The following NT5E variants were observed in gnomAD, a reference collection of about 807,000 sequenced individuals.
NT5E encodes 5'-nucleotidase ecto.
NT5E carries 53 observed loss-of-function variants against 55.1 expected under a neutral mutation model. That is an observed-to-expected ratio of 0.96 (90% CI 0.77 to 1.21). The LOEUF is 1.21. Ranked by LOEUF, NT5E falls within the 50% of genes most tolerant of loss-of-function variation. The pLI is 0.00. For missense variants in NT5E, 683 were observed against 724.3 expected (o/e 0.94, Z 0.65); for synonymous variants, 270 against 278.4 (o/e 0.97, Z 0.30).
intron 7 of NT5E, among the ~76,000 whole-genome samples, chr6:85,491,766 G>A (rs185876872): frequency 6.6e-6 from 1 of 152,166 alleles, no homozygotes; most frequent in Non-Finnish European, 1.5e-5. Context: ...TCCAGAGCTG[G>A]TTTTCCTTCC....
chr6:85,466,051 G>A (rs1027387767), intron 1 of NT5E, among the ~76,000 whole-genome samples: 1 of 152,186 alleles, frequency 6.6e-6, no homozygotes, highest in African/African-American at 2.4e-5. Flanking sequence ...GTAGGGTAGG[G>A]GGCCCAAGGA....
At position 85,493,923 on chromosome 6, in the gene NT5E, T is replaced by C; in HGVS notation, c.1644T>C (p.Phe548=). The C allele has an allele frequency of 6.2e-7, 1 of 1,614,130 alleles. No homozygotes were observed. Among genetic ancestry groups the C allele is most frequent in the Non-Finnish European group, 8.5e-7 (1 of 1,179,984 alleles). Residue 548 remains phenylalanine (F), a synonymous_variant, in exon 9 of 9, where the codon TTT becomes TTC. Transcript: ENST00000257770. ...CAGCAGTTGAAGGTCGGATCAAGTT[T>C]TCCACAGGAAGTCACTGCCATGGAA... ...IYPAVEGRIK[F]STGSHCHGSF...
Position 85,475,915 on chromosome 6 carries a change from T to C in NT5E, c.751+4490T>C, listed in dbSNP as rs150681700. Reference sequence around the variant, plus strand: ...GAGCCTGAAAGCTTACTTTTCAGGATTTGGGGAAATAAAAAAAAATTTGGT... The same window carrying C: ...GAGCCTGAAAGCTTACTTTTCAGGACTTGGGGAAATAAAAAAAAATTTGGT... On this transcript the variant is annotated intron_variant, in intron 3 of 8. Coordinates refer to ENST00000257770, the MANE Select transcript of NT5E (RefSeq NM_002526.4). 1.4e-3 allele frequency among the ~76,000 whole-genome samples: 208 copies of C among 152,214 alleles called. 1 individual carries two copies. The highest frequency in any genetic ancestry group is 4.9e-3 in the African/African-American group (203 of 41,548).
At position 85,487,438 on chromosome 6, in the gene NT5E, A is replaced by C; in HGVS notation, c.1053A>C (p.Gln351His). 1 of 1,614,166 alleles carries C rather than the reference A, an allele frequency of 6.2e-7. No homozygotes were observed. The highest frequency in any genetic ancestry group is 1.3e-5 in the African/African-American group (1 of 75,060). ...TTGTCTATCTGGATGGCTCCTCTCA[A>C]TCATGCCGCTTTAGAGAATGCAACA... is the stretch of plus-strand genomic sequence containing the variant. Reference protein sequence around the residue: ...KTIVYLDGSSQSCRFRECNMG... With the variant: ...KTIVYLDGSSHSCRFRECNMG... Residue 351 changes from glutamine to histidine, a missense_variant, in exon 5 of 9, where the codon CAA becomes CAC. Coordinates refer to ENST00000257770, the MANE Select transcript of NT5E (RefSeq NM_002526.4).
chr6:85,488,049 A>G (rs138665400), intron 5 of NT5E, among the ~76,000 whole-genome samples: 26 of 152,240 alleles, frequency 1.7e-4, no homozygotes, highest in African/African-American at 6.3e-4. Context: ...TGTTCACTTG[A>G]CTCCAGAGAA....
rs571934163 is a variant in NT5E at position 85,491,942 on chromosome 6, T to A, written c.1361-35T>A. Reference sequence around the variant, plus strand: ...TCCTTAGGAAACAGAAATCTCCCTTTGGATCTGGTGAAAACAGATTCATTT... The same window carrying A: ...TCCTTAGGAAACAGAAATCTCCCTTAGGATCTGGTGAAAACAGATTCATTT... On this transcript the variant is annotated intron_variant, in intron 7 of 8. Transcript: ENST00000257770. The A allele has an allele frequency of 1.3e-4, 200 of 1,596,534 alleles. 2 individuals carry two copies. The South Asian group carries it at 2.2e-3, about 17-fold the overall frequency.
At chr6:85,483,324 C>T (rs533015419) in intron 3 of NT5E, among the ~76,000 whole-genome samples, 4 of 152,350 alleles carry the variant, frequency 2.6e-5, no homozygotes, top group South Asian at 2.1e-4. Flanking sequence ...ATCAGAGGAA[C>T]TGACAGAGGC....
rs78431868 is a variant in NT5E at position 85,490,429 on chromosome 6, A to T, written c.1211-79A>T. On this transcript the variant is annotated intron_variant, in intron 6 of 8. Coordinates refer to ENST00000257770, the MANE Select transcript of NT5E (RefSeq NM_002526.4). ...CCATGTCCCCCTCATTTCTTCCCCC[A>T]GCGCTGAGGGAAACTGGTCATGGTG... The T allele has an allele frequency of 2.3e-3, 3,456 of 1,515,574 alleles. 69 individuals are homozygous for T. In the African/African-American group the frequency reaches 0.04, roughly 18 times the overall value. 93.9% of individuals were successfully genotyped at this position (1,515,574 alleles called of 1,614,324 possible).
In NT5E at chr6:85,485,339, T is replaced by A. The variant is rs1287709941; in HGVS notation, c.856T>A (p.Tyr286Asn). ...AGTCCAGGCCTATGCTTTTGGCAAA[T>A]ACCTAGGCTATCTGAAGATCGAGTT... ...PVVQAYAFGK[Y>N]LGYLKIEFDE... Residue 286 changes from tyrosine to asparagine, a missense_variant, in exon 4 of 9, where the codon TAC (tyrosine) becomes AAC (asparagine). Transcript: ENST00000257770. The A allele has an allele frequency of 6.8e-6, 11 of 1,614,126 alleles. No homozygotes were observed. Among genetic ancestry groups the A allele is most frequent in the Non-Finnish European group, 8.5e-6 (10 of 1,179,980 alleles).
Position 85,485,092 on chromosome 6 carries a change from G to A in NT5E, c.752-143G>A, listed in dbSNP as rs534802435. 3.9e-6 allele frequency: 3 copies of A among 767,152 alleles called. No individual in the cohort carries two copies. The East Asian group carries it at 8.0e-5, about 21-fold the overall frequency. The allele number at this position is 767,152 out of a possible 1,614,324, so 47.5% of individuals were successfully genotyped here. ...TGGAAATGGGCAAATGCCCAGATAGGGCTCTGAAAGACTAGCTATGTAGAG... is the reference window on the plus strand; with the variant it reads ...TGGAAATGGGCAAATGCCCAGATAGAGCTCTGAAAGACTAGCTATGTAGAG... On this transcript the variant is annotated intron_variant, in intron 3 of 8. Coordinates refer to ENST00000257770, the MANE Select transcript of NT5E (RefSeq NM_002526.4).
At chr6:85,480,562 G>T (rs778453280) in intron 3 of NT5E, among the ~76,000 whole-genome samples, 8 of 152,156 alleles carry the variant, frequency 5.3e-5, no homozygotes, top group Non-Finnish European at 8.8e-5. Flanking sequence ...AGAGACAGCA[G>T]CCAGGCCTGA....
chr6:85,471,419 T>C lies in NT5E; in HGVS notation c.745T>C (p.Tyr249His), dbSNP rs776833936. The change falls in exon 3 of 9, where the codon TAC (tyrosine) becomes CAC (histidine). Residue 249 changes from tyrosine (Y) to histidine (H), a missense_variant. Tyr to His is a moderately conservative substitution (Grantham distance 83). Transcript: ENST00000257770. ...VVGGHSNTFL[Y>H]TGNPPSKEVP... ...GGGAGGACACTCCAACACATTTCTT[T>C]ACACAGGTAATTGTTTCAAAAGGAT... is the stretch of plus-strand genomic sequence containing the variant. The C allele has an allele frequency of 3.0e-5, 49 of 1,612,310 alleles. No homozygotes were observed. Among genetic ancestry groups the C allele is most frequent in the Non-Finnish European group, 4.2e-5 (49 of 1,178,814 alleles).
chr6:85,481,845 G>C (rs1451113707), intron 3 of NT5E, among the ~76,000 whole-genome samples: 1 of 152,326 alleles, frequency 6.6e-6, no homozygotes, highest in South Asian at 2.1e-4. Context: ...TTATGTTTTA[G>C]AAAGATCACT....
At chr6:85,458,845 T>G (rs981789037) in intron 1 of NT5E, among the ~76,000 whole-genome samples, 1 of 152,192 alleles carries the variant, frequency 6.6e-6, no homozygotes, top group African/African-American at 2.4e-5. Flanking sequence ...ATGCTGTCTA[T>G]TTGGTACTTG....
At chr6:85,469,080 G>T (rs1769252125) in intron 2 of NT5E, among the ~76,000 whole-genome samples, 1 of 152,160 alleles carries the variant, frequency 6.6e-6, no homozygotes, top group Non-Finnish European at 1.5e-5. Context: ...AGTCCTAGTG[G>T]CCTGGGCACC....
intron 3 of NT5E, among the ~76,000 whole-genome samples, chr6:85,482,665 T>C (rs1231910186): frequency 1.3e-5 from 2 of 152,226 alleles, no homozygotes; most frequent in African/African-American, 4.8e-5. Context: ...AATTCTCGGC[T>C]AGATGACTGG....
intron 1 of NT5E, among the ~76,000 whole-genome samples, chr6:85,458,526 A>G (rs1769031587): frequency 6.6e-6 from 1 of 152,248 alleles, no homozygotes; most frequent in African/African-American, 2.4e-5. Flanking sequence ...AGAGAACCAA[A>G]CAAATCAACA....
rs148089577 is a variant in NT5E, at chr6:85,460,375, C to T, written c.340-6685C>T. ...CTGTCAATCAACTAGAGATGGCGCT[C>T]AAGATAAAATTATTTTCCATCCTGT... On this transcript the variant is annotated intron_variant, in intron 1 of 8. Transcript: ENST00000257770. 2.0e-5 allele frequency among the ~76,000 whole-genome samples: 3 copies of T among 152,252 alleles called. No individual in the cohort carries two copies. The East Asian group carries it at 5.8e-4, about 29-fold the overall frequency.
At chr6:85,478,043 A>AC (rs1554200839) in intron 3 of NT5E, among the ~76,000 whole-genome samples, 1 of 151,374 alleles carries the variant, frequency 6.6e-6, no homozygotes, top group Non-Finnish European at 1.5e-5. Flanking sequence ...AAAAAAAAAA[A>AC]GGATTTTGCT....
Sources: gnomAD v4.1 joint callset for allele counts (sites outside exome capture counted in the v4.1 genomes callset) on GRCh38, gnomAD v4.1.1 for gene constraint, MANE v1.5 for transcripts, NCBI Gene and HGNC (gene_info 2026-07-23, HGNC 2026-07-21) for gene names.